ACSF2: variants seen among roughly 807,000 people sequenced by gnomAD.
The protein encoded by ACSF2 is acyl-CoA synthetase family member 2.
In ACSF2, 52 loss-of-function variants were observed where a neutral mutation model predicts 79.3. The ratio of observed to expected loss-of-function variants is 0.66; its 90% CI spans 0.53 to 0.83. ACSF2 has a LOEUF of 0.83. Among genes scored for constraint, ACSF2 ranks in the 40% least tolerant of loss-of-function variants. The pLI is 0.00. For missense variants in ACSF2, 661 were observed against 803.3 expected, an observed-to-expected ratio of 0.82 and a Z score of 2.14; for synonymous variants, 283 against 312.6, an observed-to-expected ratio of 0.91 and a Z score of 1.00.
intron 10 of ACSF2, chr17:50,464,769 T>TGGGGGGGGGGGGGGG: frequency 6.1e-6 from 1 of 164,260 alleles, no homozygotes; most frequent in Non-Finnish European, 1.2e-5. Context: ...CTGATTGACT[T>TGGGGGGGGGGGGGGG]GGGGGGGGGG....
At position 50,471,538 on chromosome 17, in the gene ACSF2, G is replaced by A. The variant is rs1040846712; in HGVS notation, c.1323+403G>A. On this transcript the variant is annotated intron_variant, in intron 11 of 15. Transcript: ENST00000300441. This position sits in a 1 kb window ranked among gnomAD's most constrained non-coding sequence, Gnocchi z 4.1. The stretch of plus-strand genomic sequence containing the variant: ...AGCAGAGTTCTTCTTCTTGCTTGGC[G>A]TAAACACTTCATTTCCCAAGCAGCC... The A allele has an allele frequency of 6.9e-5, 15 of 218,482 alleles. No homozygotes were observed. The highest frequency in any genetic ancestry group is 1.8e-4 in the African/African-American group (8 of 44,646). 13.5% of individuals were successfully genotyped at this position (218,482 alleles called of 1,614,324 possible).
At chr17:50,429,962 A>G (rs1309815754) in intron 1 of ACSF2, among the ~76,000 whole-genome samples, 1 of 152,222 alleles carries the variant, frequency 6.6e-6, no homozygotes, top group Admixed American at 6.5e-5. Context: ...ACCTCCAAGG[A>G]AGGAATTCAA....
rs1414755070 is a variant in ACSF2 at position 50,460,744 on chromosome 17, A to G, written c.196A>G (p.Lys66Glu). 6.2e-7 allele frequency: 1 copy of G among 1,613,332 alleles called. No homozygotes were observed. The highest frequency in any genetic ancestry group is 1.7e-5 in the Admixed American group (1 of 59,932). ...CCTCAGCTACGTTCAGGGGTGCACC[A>G]AAAAGCATCTTAACAGCAAGACTGT... ...GGLSYVQGCT[K>E]KHLNSKTVGQ... The change falls in exon 2 of 16, where the codon AAA becomes GAA. Residue 66 changes from lysine to glutamate, a missense_variant. Physicochemically the swap from Lys to Glu is moderately conservative, Grantham distance 56. Transcript: ENST00000300441.
chr17:50,431,051 T>G (rs1280802261), intron 1 of ACSF2, among the ~76,000 whole-genome samples: 1 of 152,222 alleles, frequency 6.6e-6, no homozygotes, highest in Non-Finnish European at 1.5e-5. Flanking sequence ...CATAAATAGT[T>G]ACAAGAAATA....
intron 1 of ACSF2, 134 bp downstream of exon 1, chr17:50,426,523 C>A: frequency 1.8e-6 from 2 of 1,117,544 alleles, no homozygotes; most frequent in South Asian, 3.0e-5. Context: ...TCCCCCGCCC[C>A]CCGCCAGCAC....
At position 50,464,276 on chromosome 17, in the gene ACSF2, A is replaced by G; in HGVS notation, c.1197A>G (p.Ile399Met). 2 of 1,614,014 alleles carry G rather than the reference A, an allele frequency of 1.2e-6. No individual in the cohort carries two copies. Among genetic ancestry groups the G allele is most frequent in the South Asian group, 2.2e-5 (2 of 91,068 alleles). Reference protein sequence around the residue: ...PELIRAIINKINMKDLVVAYG... With the variant: ...PELIRAIINKMNMKDLVVAYG... The stretch of plus-strand genomic sequence containing the variant: ...TGATCCGAGCCATCATCAACAAGAT[A>G]AATATGAAGGACCTGGTGGTGAGTG... Residue 399 changes from isoleucine to methionine, a missense_variant, in exon 10 of 16, where the codon ATA becomes ATG. Ile to Met is a conservative substitution (Grantham distance 10). Coordinates refer to ENST00000300441, the MANE Select transcript of ACSF2 (RefSeq NM_025149.6).
At chr17:50,472,685 A>T (rs1211353373) in intron 12 of ACSF2, 106 bp downstream of exon 12, 1 of 1,341,180 alleles carries the variant, frequency 7.5e-7, no homozygotes, top group African/African-American at 1.5e-5. Context: ...GTGGGTATCA[A>T]GATGACCCCT....
At chr17:50,468,536 C>G in intron 10 of ACSF2, 1 of 1,614,250 alleles carries the variant, frequency 6.2e-7, no homozygotes, top group Non-Finnish European at 8.5e-7. Flanking sequence ...GCGGAAGGCA[C>G]CGGCGGCCAC....
intron 13 of ACSF2, 34 bp from the exon 14 acceptor site, chr17:50,473,860 G>T: frequency 6.2e-7 from 1 of 1,609,106 alleles, no homozygotes; most frequent in Non-Finnish European, 8.5e-7. Flanking sequence ...ACATGAACAC[G>T]GTGATGTCTG....
Position 50,474,779 on chromosome 17 carries a change from C to T in ACSF2, c.*227C>T. 1 of 560,960 alleles carries T rather than the reference C, an allele frequency of 1.8e-6. No individual in the cohort carries two copies. The highest frequency in any genetic ancestry group is 2.2e-5 in the South Asian group (1 of 45,138). The allele number at this position is 560,960 out of a possible 1,614,324, so 34.7% of individuals were successfully genotyped here. ...GCCCAGGCCCTCCCTCCTGTCCATC[C>T]CCCACATTCCCCTGTCTGTCCTTGT... is the stretch of plus-strand genomic sequence containing the variant. On this transcript the variant is annotated 3_prime_UTR_variant, in exon 16 of 16. Coordinates refer to ENST00000300441, the MANE Select transcript of ACSF2 (RefSeq NM_025149.6). The surrounding 1 kb of genome is among the most constrained non-coding windows in gnomAD (Gnocchi z 4.2).
At chr17:50,431,477 T>C (rs945989575) in intron 1 of ACSF2, among the ~76,000 whole-genome samples, 1 of 152,214 alleles carries the variant, frequency 6.6e-6, no homozygotes, top group Non-Finnish European at 1.5e-5. Flanking sequence ...ACCTGATCCC[T>C]GAAAGGTTAG....
At chr17:50,452,632 T>G (rs915139622) in intron 1 of ACSF2, among the ~76,000 whole-genome samples, 1 of 151,800 alleles carries the variant, frequency 6.6e-6, no homozygotes, top group Non-Finnish European at 1.5e-5. Flanking sequence ...CGTTTACCTG[T>G]GTAACAAACC....
At chr17:50,432,432 G>A (rs573141098) in intron 1 of ACSF2, among the ~76,000 whole-genome samples, 170 of 152,324 alleles carry the variant, frequency 1.1e-3, no homozygotes, top group African/African-American at 3.5e-3. Context: ...CTGGGGAGTA[G>A]GAGGGAGAAG....
At chr17:50,461,028 C>T (rs941027238) in intron 2 of ACSF2, 156 bp downstream of exon 2, 17 of 1,128,928 alleles carry the variant, frequency 1.5e-5, no homozygotes, top group Admixed American at 7.5e-5. Context: ...ACAGGACTGA[C>T]GCACAAGGGG....
At chr17:50,465,890 C>G (rs750586310) in intron 10 of ACSF2, 29 of 1,613,232 alleles carry the variant, frequency 1.8e-5, no homozygotes. Context: ...AAGGTGGGAG[C>G]AAGGTGGGAG....
In ACSF2 at chr17:50,471,175, C is replaced by T; in HGVS notation, c.1323+40C>T. On this transcript the variant is annotated intron_variant, in intron 11 of 15. Transcript: ENST00000300441. The surrounding 1 kb of genome is among the most constrained non-coding windows in gnomAD (Gnocchi z 4.1). The stretch of plus-strand genomic sequence containing the variant: ...AAGACTCCAAAGTCCCACCTCCCGT[C>T]ACCCAGCTGGGGTGCACCCAGCTGG... 6.4e-7 allele frequency: 1 copy of T among 1,569,756 alleles called. No homozygotes were observed. Among genetic ancestry groups the T allele is most frequent in the Non-Finnish European group, 8.8e-7 (1 of 1,140,218 alleles).
rs2032280537 is a variant in ACSF2, at chr17:50,460,736, G to A, written c.188G>A (p.Gly63Glu). 1 of 1,613,348 alleles carries A rather than the reference G, an allele frequency of 6.2e-7. No homozygotes were observed. Among genetic ancestry groups the A allele is most frequent in the Non-Finnish European group, 8.5e-7 (1 of 1,179,768 alleles). Residue 63 changes from glycine (G) to glutamate (E), a missense_variant, in exon 2 of 16, where the codon GGG becomes GAG. By Grantham distance (98) the Gly-to-Glu change is moderately conservative (BLOSUM62 -2). Transcript: ENST00000300441. ...ATCGGAGGCCTCAGCTACGTTCAGGGGTGCACCAAAAAGCATCTTAACAGC... is the reference window on the plus strand; with the variant it reads ...ATCGGAGGCCTCAGCTACGTTCAGGAGTGCACCAAAAAGCATCTTAACAGC... Reference protein sequence around the residue: ...TPIGGLSYVQGCTKKHLNSKT... With the variant: ...TPIGGLSYVQECTKKHLNSKT...
intron 12 of ACSF2, chr17:50,472,877 G>A (rs1359404518): frequency 2.8e-5 from 7 of 249,666 alleles, no homozygotes; most frequent in East Asian, 8.4e-5. Flanking sequence ...CACCGTTCTC[G>A]CCGCTAGAGG....
chr17:50,468,659 T>C (rs766482173), intron 10 of ACSF2: 1 of 1,614,082 alleles, frequency 6.2e-7, no homozygotes, highest in African/African-American at 1.3e-5. Flanking sequence ...CAGCTTGGTC[T>C]TCTCTGACAC....
Sources: allele counts gnomAD v4.1 joint callset (sites outside exome capture counted in the v4.1 genomes callset), GRCh38; gene constraint gnomAD v4.1.1; non-coding constraint Gnocchi (gnomAD v3.1); transcripts MANE v1.5; gene names NCBI Gene and HGNC (gene_info 2026-07-23, HGNC 2026-07-21).